ACAN: variants seen among roughly 807,000 people sequenced by gnomAD.
ACAN encodes aggrecan core protein.
Under a neutral mutation model 169.1 loss-of-function variants are expected in ACAN, and 47 were observed. The ratio of observed to expected loss-of-function variants is 0.28; its 90% CI spans 0.22 to 0.35. The LOEUF (loss-of-function observed/expected upper bound fraction) is 0.35, where lower values mean the gene tolerates loss of function less well. Ranked by LOEUF, ACAN falls within the 10% of genes least tolerant of loss-of-function variation. The pLI is 1.00. For missense variants in ACAN, 2,716 were observed against 2,759.9 expected (o/e 0.98, Z 0.36); for synonymous variants, 1,115 against 1,112.2 (o/e 1.00, Z -0.05).
rs1897111469 is a variant in ACAN, at chr15:88,858,379, C to T, written c.5794C>T (p.Pro1932Ser). The T allele has an allele frequency of 6.2e-7, 1 of 1,613,886 alleles. No individual in the cohort carries two copies. Among genetic ancestry groups the T allele is most frequent in the Non-Finnish European group, 8.5e-7 (1 of 1,179,894 alleles). ...TGGCAGTGGAACTCCATCTAGTTTC[C>T]CCACTGTCTCTCTTGTAGACAGAAC... ...YYGSGTPSSF[P>S]TVSLVDRTLV... Residue 1932 changes from proline (P) to serine (S), a missense_variant, in exon 12 of 19, where the codon CCC (proline) becomes TCC (serine). Pro to Ser is a moderately conservative substitution (Grantham distance 74). Around this residue, in one of 3 missense-constraint regions of ACAN, gnomAD observed 1,389 missense variants for 1,363.7 expected, o/e 1.02. Transcript: ENST00000560601. The surrounding 1 kb of genome is among the most constrained non-coding windows in gnomAD (Gnocchi z 4.0).
At chr15:88,812,051 C>T (rs566697207) in intron 1 of ACAN, among the ~76,000 whole-genome samples, 59 of 152,276 alleles carry the variant, frequency 3.9e-4, no homozygotes, top group South Asian at 4.1e-4. Flanking sequence ...AGATTGCCTC[C>T]ACACCCACTC....
At position 88,861,347 on chromosome 15, in the gene ACAN, C is replaced by T. The variant is rs949800114; in HGVS notation, c.6946+908C>T. ...TAGGACATGTGCAAAAATGAAAAAACGAATCCTGGAGAAAAAACAATCACT... is the reference window on the plus strand; with the variant it reads ...TAGGACATGTGCAAAAATGAAAAAATGAATCCTGGAGAAAAAACAATCACT... On this transcript the variant is annotated intron_variant, in intron 13 of 18. Coordinates refer to ENST00000560601, the MANE Select transcript of ACAN (RefSeq NM_001369268.1). The surrounding 1 kb of genome is among the most constrained non-coding windows in gnomAD (Gnocchi z 6.3). Among the ~76,000 whole-genome samples, 48 of 152,152 alleles carry T rather than the reference C, an allele frequency of 3.2e-4. No homozygotes were observed. Among genetic ancestry groups the T allele is most frequent in the African/African-American group, 3.4e-4 (14 of 41,532 alleles).
chr15:88,825,767 T>C (rs764647715), intron 1 of ACAN, among the ~76,000 whole-genome samples: 5 of 141,900 alleles, frequency 3.5e-5, no homozygotes, highest in Non-Finnish European at 8.2e-5. Flanking sequence ...GTACTACACG[T>C]CCTAAACCCC....
At chr15:88,819,355 C>T (rs1307023150) in intron 1 of ACAN, among the ~76,000 whole-genome samples, 1 of 152,096 alleles carries the variant, frequency 6.6e-6, no homozygotes, top group East Asian at 1.9e-4. Flanking sequence ...TTCTGCAGCC[C>T]TGAGGTACCT....
chr15:88,808,350 C>T (rs529269967), intron 1 of ACAN, among the ~76,000 whole-genome samples: 18 of 152,356 alleles, frequency 1.2e-4, no homozygotes, highest in Non-Finnish European at 2.4e-4. Context: ...CAGAATATGT[C>T]GTGTTCCCAG....
chr15:88,860,360 A>C lies in ACAN; in HGVS notation c.6867A>C (p.Gly2289=). 1 of 1,613,292 alleles carries C rather than the reference A, an allele frequency of 6.2e-7. No homozygotes were observed. Among genetic ancestry groups the C allele is most frequent in the Non-Finnish European group, 8.5e-7 (1 of 1,179,746 alleles). Residue 2289 remains glycine, a synonymous_variant, in exon 13 of 19, where the codon GGA becomes GGC. Transcript: ENST00000560601. ...PARSCAEEPC[G]AGTCKETEGH... ...GGTCCTGTGCAGAGGAGCCCTGTGG[A>C]GCTGGGACCTGCAAGGAGACAGAGG...
At chr15:88,860,659 T>A (rs1897176912) in intron 13 of ACAN, among the ~76,000 whole-genome samples, 1 of 152,186 alleles carries the variant, frequency 6.6e-6, no homozygotes, top group Non-Finnish European at 1.5e-5. Flanking sequence ...AGTAATTAAG[T>A]TGCTAAGTAT....
intron 1 of ACAN, among the ~76,000 whole-genome samples, chr15:88,811,824 C>G (rs1895828564): frequency 6.6e-6 from 1 of 152,162 alleles, no homozygotes; most frequent in East Asian, 1.9e-4. Flanking sequence ...TGCTTGCATG[C>G]TTGTCTCTGT....
intron 1 of ACAN, among the ~76,000 whole-genome samples, chr15:88,816,699 A>G (rs899900358): frequency 6.6e-5 from 10 of 152,194 alleles, no homozygotes; most frequent in African/African-American, 2.2e-4. Flanking sequence ...CTTTACTCAC[A>G]TACCCTGATA....
intron 1 of ACAN, among the ~76,000 whole-genome samples, chr15:88,806,206 G>GC (rs1895678138): frequency 6.6e-6 from 1 of 152,182 alleles, no homozygotes; most frequent in Non-Finnish European, 1.5e-5. Context: ...GCCTTGTCCA[G>GC]CTCTCAGCAA....
chr15:88,850,063 G>A (rs1896898040), intron 10 of ACAN: 1 of 590,374 alleles, frequency 1.7e-6, no homozygotes, highest in Non-Finnish European at 3.0e-6. Context: ...CTACTTCAGA[G>A]AGAGCTGCAA....
intron 1 of ACAN, among the ~76,000 whole-genome samples, chr15:88,810,027 G>GTTTTTCCTCTT (rs1895779629): frequency 1.3e-5 from 2 of 152,182 alleles, no homozygotes; most frequent in Non-Finnish European, 2.9e-5. Flanking sequence ...ACAGAGTCAT[G>GTTTTTCCTCTT]AAACACTGGA....
At chr15:88,809,444 G>A (rs748513935) in intron 1 of ACAN, among the ~76,000 whole-genome samples, 18 of 152,324 alleles carry the variant, frequency 1.2e-4, no homozygotes, top group African/African-American at 2.9e-4. Context: ...GAGGACCTCC[G>A]AAGGAGGCCT....
chr15:88,860,173 G>A lies in ACAN; in HGVS notation c.6833-153G>A, dbSNP rs3784757. 0.13 allele frequency among the ~76,000 whole-genome samples: 19,437 copies of A among 150,454 alleles called. 2,578 individuals are homozygous for A. Among genetic ancestry groups the A allele is most frequent in the African/African-American group, 0.34 (13,871 of 40,434 alleles). On this transcript the variant is annotated intron_variant, in intron 12 of 18. Coordinates refer to ENST00000560601, the MANE Select transcript of ACAN (RefSeq NM_001369268.1). ...AGCTCCCCCCGATGCTGTGGGCCAG[G>A]TGCCCAGGAGGGACAGAGGCCTCAG...
chr15:88,827,893 G>A (rs990046311), intron 1 of ACAN, among the ~76,000 whole-genome samples: 21 of 152,188 alleles, frequency 1.4e-4, no homozygotes, highest in Admixed American at 6.5e-5. Flanking sequence ...AAGTGTCAGA[G>A]CTGCGATTCA....
intron 1 of ACAN, among the ~76,000 whole-genome samples, chr15:88,823,894 C>T (rs1198071167): frequency 6.6e-6 from 1 of 152,130 alleles, no homozygotes; most frequent in African/African-American, 2.4e-5. Context: ...TTTCCATGGG[C>T]CGTGTGTGCA....
At position 88,861,003 on chromosome 15, in the gene ACAN, G is replaced by C. The variant is rs1442408716; in HGVS notation, c.6946+564G>C. Among the ~76,000 whole-genome samples, 1 of 152,196 alleles carries C rather than the reference G, an allele frequency of 6.6e-6. No homozygotes were observed. Among genetic ancestry groups the C allele is most frequent in the Non-Finnish European group, 1.5e-5 (1 of 68,046 alleles). On this transcript the variant is annotated intron_variant, in intron 13 of 18. Coordinates refer to ENST00000560601, the MANE Select transcript of ACAN (RefSeq NM_001369268.1). This position sits in a 1 kb window ranked among gnomAD's most constrained non-coding sequence, Gnocchi z 6.3. ...GCACGTCTGCCCAGGCACCCACCATGAGCCTGTTTGTCCTTAGCTATGGGT... is the reference window on the plus strand; with the variant it reads ...GCACGTCTGCCCAGGCACCCACCATCAGCCTGTTTGTCCTTAGCTATGGGT...
In ACAN at chr15:88,839,839, C is replaced by A. The variant is rs1387738836; in HGVS notation, c.455-173C>A. Among the ~76,000 whole-genome samples the A allele has an allele frequency of 6.6e-6, 1 of 152,184 alleles. No individual in the cohort carries two copies. Among genetic ancestry groups the A allele is most frequent in the South Asian group, 2.1e-4 (1 of 4,828 alleles). On this transcript the variant is annotated intron_variant, in intron 3 of 18. Coordinates refer to ENST00000560601, the MANE Select transcript of ACAN (RefSeq NM_001369268.1). The surrounding 1 kb of genome is among the most constrained non-coding windows in gnomAD (Gnocchi z 4.5). ...AGTGAGCTCCCCATTACAGGGTGTT[C>A]CAGCAAATTCAGAAGGATCACGTGC... is the stretch of plus-strand genomic sequence containing the variant.
chr15:88,825,102 T>C (rs1221527716), intron 1 of ACAN, among the ~76,000 whole-genome samples: 1 of 152,080 alleles, frequency 6.6e-6, no homozygotes, highest in Non-Finnish European at 1.5e-5. Context: ...ACAGCTAGAA[T>C]GTGGCGGGGT....
Sources: allele counts gnomAD v4.1 joint callset (sites outside exome capture counted in the v4.1 genomes callset), GRCh38; gene constraint gnomAD v4.1.1; regional missense constraint gnomAD v4.1.1; non-coding constraint Gnocchi (gnomAD v3.1); transcripts MANE v1.5; gene names NCBI Gene and HGNC (gene_info 2026-07-23, HGNC 2026-07-21).